BMP2K: variants seen among roughly 807,000 people sequenced by gnomAD.
BMP2K encodes the protein BMP2 inducible kinase.
BMP2K carries 74 observed loss-of-function variants against 116.0 expected under a neutral mutation model. The ratio of observed to expected loss-of-function variants is 0.64; its 90% CI spans 0.53 to 0.77. The LOEUF is 0.77. BMP2K is among the 30% of genes least tolerant of loss of function. BMP2K has a pLI of 0.00. For synonymous variants in BMP2K, 486 were observed against 502.5 expected, an observed-to-expected ratio of 0.97 and a Z score of 0.44; for missense variants, 1,365 against 1,403.6, an observed-to-expected ratio of 0.97 and a Z score of 0.44.
intron 15 of BMP2K, among the ~76,000 whole-genome samples, chr4:78,900,753 CTTCTT>C (rs1733954891): frequency 6.6e-6 from 1 of 152,110 alleles, no homozygotes; most frequent in African/African-American, 2.4e-5. Context: ...AGTTTTTTCT[CTTCTT>C]AATTTTAAAC....
chr4:78,910,237 G>A (rs1472868135), intron 15 of BMP2K, among the ~76,000 whole-genome samples: 1 of 152,244 alleles, frequency 6.6e-6, no homozygotes, highest in East Asian at 1.9e-4. Context: ...TAAGCAGGAG[G>A]TATTTGGTGA....
At chr4:78,794,792 G>T (rs1281490992) in intron 1 of BMP2K, among the ~76,000 whole-genome samples, 1 of 152,118 alleles carries the variant, frequency 6.6e-6, no homozygotes, top group African/African-American at 2.4e-5. Context: ...TGAACCCCTG[G>T]GCTCAAGTGA....
intron 1 of BMP2K, among the ~76,000 whole-genome samples, chr4:78,806,830 C>T (rs968154419): frequency 6.9e-5 from 10 of 144,906 alleles, no homozygotes; most frequent in Middle Eastern, 3.6e-3. Flanking sequence ...GGTGGTGGAT[C>T]TTATCTTTTC....
chr4:78,777,689 T>TA (rs1234003204), intron 1 of BMP2K, among the ~76,000 whole-genome samples: 9 of 152,216 alleles, frequency 5.9e-5, no homozygotes, highest in South Asian at 4.1e-4. Flanking sequence ...ATGGTTAAGA[T>TA]AAAAAAAATC....
At chr4:78,814,374 T>C (rs1729229167) in intron 1 of BMP2K, among the ~76,000 whole-genome samples, 1 of 152,192 alleles carries the variant, frequency 6.6e-6, no homozygotes, top group African/African-American at 2.4e-5. Context: ...TTTTAAAACA[T>C]TAGCCTGTTG....
In BMP2K at chr4:78,873,718, A is replaced by G. The variant is rs557554385; in HGVS notation, c.1793+920A>G. 1.4e-3 allele frequency among the ~76,000 whole-genome samples: 205 copies of G among 148,160 alleles called. 1 individual carries two copies. Among genetic ancestry groups the G allele is most frequent in the African/African-American group, 4.9e-3 (198 of 40,818 alleles). On this transcript the variant is annotated intron_variant, in intron 13 of 15. Coordinates refer to ENST00000502613, the MANE Select transcript of BMP2K (RefSeq NM_198892.2). ...TGTGTGTGTGTGTATGCATGCATGC[A>G]TGTGTGTGCACATGTGCAAGAGACA...
chr4:78,776,679 G>C lies in BMP2K; in HGVS notation c.136G>C (p.Val46Leu). Residue 46 changes from valine (V) to leucine (L), a missense_variant, in exon 1 of 16, where the codon GTC (valine) becomes CTC (leucine). This residue lies in a region of BMP2K where 762 missense variants were observed against 756.7 expected (regional missense o/e 1.01). Coordinates refer to ENST00000502613, the MANE Select transcript of BMP2K (RefSeq NM_198892.2). ...GSSVGVRVFA[V>L]GRHQVTLEES... is the part of the protein sequence containing the mutation. ...GTCCGTGGGGGTCCGGGTGTTCGCGGTCGGCCGCCACCAGGTCACCCTGGA... is the reference window on the plus strand; with the variant it reads ...GTCCGTGGGGGTCCGGGTGTTCGCGCTCGGCCGCCACCAGGTCACCCTGGA... 1 of 1,246,886 alleles carries C rather than the reference G, an allele frequency of 8.0e-7. No homozygotes were observed. The highest frequency in any genetic ancestry group is 4.0e-5 in the South Asian group (1 of 25,238). 77.2% of individuals were successfully genotyped at this position (1,246,886 alleles called of 1,614,324 possible).
chr4:78,826,071 C>A lies in BMP2K; in HGVS notation c.213C>A (p.His71Gln). Residue 71 changes from histidine (H) to glutamine (Q), a missense_variant, in exon 2 of 16, where the codon CAC becomes CAA. His to Gln is a conservative substitution (Grantham distance 24). Coordinates refer to ENST00000502613, the MANE Select transcript of BMP2K (RefSeq NM_198892.2). ...GFSTVFLVRT[H>Q]GGIRCALKRM... ...CCACAGTTTTCCTCGTGCGTACTCACGGTGGAATCCGATGTGCATTGAAGC... is the reference window on the plus strand; with the variant it reads ...CCACAGTTTTCCTCGTGCGTACTCAAGGTGGAATCCGATGTGCATTGAAGC... The A allele has an allele frequency of 6.2e-7, 1 of 1,613,976 alleles. No homozygotes were observed. The highest frequency in any genetic ancestry group is 8.5e-7 in the Non-Finnish European group (1 of 1,179,910).
chr4:78,909,276 T>C lies in BMP2K; in HGVS notation c.2063-1334T>C, dbSNP rs560545571. 1.4e-3 allele frequency among the ~76,000 whole-genome samples: 207 copies of C among 152,134 alleles called. 1 individual carries two copies. Among genetic ancestry groups the C allele is most frequent in the African/African-American group, 4.6e-3 (190 of 41,508 alleles). On this transcript the variant is annotated intron_variant, in intron 15 of 15. Transcript: ENST00000502613. ...TGGTCTCAAACTCCTGACCTCGTGA[T>C]CCACCCGCCTTGGCCTCCCAAAGTG...
At chr4:78,791,174 C>T (rs1218811785) in intron 1 of BMP2K, among the ~76,000 whole-genome samples, 1 of 152,042 alleles carries the variant, frequency 6.6e-6, no homozygotes, top group Admixed American at 6.6e-5. Flanking sequence ...CTTTCCTACT[C>T]TTTCCTTCCT....
intron 2 of BMP2K, among the ~76,000 whole-genome samples, chr4:78,831,856 G>A (rs1217775971): frequency 6.6e-6 from 1 of 152,070 alleles, no homozygotes; most frequent in Non-Finnish European, 1.5e-5. Flanking sequence ...TCTTATTCTT[G>A]TTCTTCTTCC....
Position 78,865,708 on chromosome 4 carries a change from CA to C in BMP2K, c.1220del (p.His407LeufsTer7). ...CCTTGCTCCTGGTGAATTCGGTAAC[CA>C]TAGACCAAAAGGTAATAGAGCCCCG... ...KVLAPGEFGN[H>X]RPKGALRPGN... On this transcript the variant is annotated frameshift_variant, in exon 10 of 16. Coordinates refer to ENST00000502613, the MANE Select transcript of BMP2K (RefSeq NM_198892.2). LOFTEE classifies it high-confidence loss of function. 1.2e-6 allele frequency: 2 copies of C among 1,614,022 alleles called. No homozygotes were observed. Among genetic ancestry groups the C allele is most frequent in the Non-Finnish European group, 1.7e-6 (2 of 1,179,944 alleles).
intron 1 of BMP2K, among the ~76,000 whole-genome samples, chr4:78,797,613 T>C (rs1728360258): frequency 6.6e-6 from 1 of 152,200 alleles, no homozygotes; most frequent in Non-Finnish European, 1.5e-5. Context: ...AAGTATTAAG[T>C]AGTGCTTTCC....
intron 1 of BMP2K, among the ~76,000 whole-genome samples, chr4:78,807,992 C>A (rs560478503): frequency 6.6e-6 from 1 of 152,060 alleles, no homozygotes; most frequent in East Asian, 1.9e-4. Context: ...CTTATTTCCA[C>A]CCTAATTTTT....
At chr4:78,792,425 C>T (rs1728047410) in intron 1 of BMP2K, among the ~76,000 whole-genome samples, 1 of 152,280 alleles carries the variant, frequency 6.6e-6, no homozygotes, top group Middle Eastern at 3.4e-3. Flanking sequence ...ATCGTCTTTA[C>T]TGGAAACAGT....
chr4:78,852,129 C>A (rs763438369), intron 7 of BMP2K, among the ~76,000 whole-genome samples: 7 of 151,722 alleles, frequency 4.6e-5, no homozygotes, highest in Admixed American at 2.6e-4. Context: ...ATCTTATTTT[C>A]TTGTGATTAG....
At position 78,913,831 on chromosome 4, in the gene BMP2K, T is replaced by A. The variant is rs1167039214; in HGVS notation, c.*1798T>A. 6.6e-6 allele frequency: 1 copy of A among 152,032 alleles called. No homozygotes were observed. The highest frequency in any genetic ancestry group is 1.5e-5 in the Non-Finnish European group (1 of 67,962). The allele number at this position is 152,032 out of a possible 1,614,324, so 9.4% of individuals were successfully genotyped here. The stretch of plus-strand genomic sequence containing the variant: ...CAATGTAGCAGAGGCAGACCAAGCA[T>A]TACATTATTATTTAGAGCTGGACTG... On this transcript the variant is annotated 3_prime_UTR_variant, in exon 16 of 16. Coordinates refer to ENST00000502613, the MANE Select transcript of BMP2K (RefSeq NM_198892.2).
intron 3 of BMP2K, among the ~76,000 whole-genome samples, chr4:78,839,033 A>G (rs1476207346): frequency 6.6e-6 from 1 of 152,214 alleles, no homozygotes; most frequent in Non-Finnish European, 1.5e-5. Context: ...AGTATTCTAC[A>G]TATGTTTCCA....
At chr4:78,893,034 A>G (rs755132796) in intron 15 of BMP2K, among the ~76,000 whole-genome samples, 1 of 152,222 alleles carries the variant, frequency 6.6e-6, no homozygotes, top group Non-Finnish European at 1.5e-5. Context: ...TTCTCTGTAC[A>G]TGCAATGCTG....
Sources: gnomAD v4.1 joint callset for allele counts (sites outside exome capture counted in the v4.1 genomes callset) on GRCh38, gnomAD v4.1.1 for gene constraint, gnomAD v4.1.1 regional missense constraint, MANE v1.5 for transcripts, NCBI Gene and HGNC (gene_info 2026-07-23, HGNC 2026-07-21) for gene names.